The following SGCZ variants were observed in gnomAD, a reference collection of about 807,000 sequenced individuals.
SGCZ encodes the protein zeta-sarcoglycan.
Under a neutral mutation model 41.3 loss-of-function variants are expected in SGCZ, and 40 were observed. That is an observed-to-expected ratio of 0.97 (90% CI 0.75 to 1.26). The LOEUF (loss-of-function observed/expected upper bound fraction) is 1.26. Among genes scored for constraint, SGCZ ranks in the 50% most tolerant of loss-of-function variants. The pLI is 0.00. For missense variants in SGCZ, 552 were observed against 369.8 expected, an observed-to-expected ratio of 1.49 and a Z score of -4.04; for synonymous variants, 206 against 137.5, an observed-to-expected ratio of 1.50 and a Z score of -3.49.
intron 1 of SGCZ, among the ~76,000 whole-genome samples, chr8:14,827,016 A>G (rs1258156193): frequency 4.6e-5 from 7 of 151,984 alleles, no homozygotes; most frequent in Non-Finnish European, 7.4e-5. Flanking sequence ...GCCCATGCCT[A>G]TGTCCTGAAT....
At chr8:14,298,431 AG>A (rs1654146558) in intron 3 of SGCZ, among the ~76,000 whole-genome samples, 1 of 152,040 alleles carries the variant, frequency 6.6e-6, no homozygotes, top group African/African-American at 2.4e-5. Context: ...GATAATTTAC[AG>A]AAAAAATTTT....
intron 3 of SGCZ, among the ~76,000 whole-genome samples, chr8:14,306,194 T>C (rs955681055): frequency 1.3e-5 from 2 of 152,168 alleles, no homozygotes; most frequent in African/African-American, 2.4e-5. Context: ...TCCATAACCA[T>C]CATGACAACA....
intron 1 of SGCZ, among the ~76,000 whole-genome samples, chr8:15,031,085 G>A (rs571407221): frequency 2.4e-4 from 37 of 152,006 alleles, no homozygotes; most frequent in East Asian, 1.2e-3. Context: ...GTGTGTGTGC[G>A]TTTTCTCACT....
chr8:14,932,015 T>A (rs1799935092), intron 1 of SGCZ, among the ~76,000 whole-genome samples: 1 of 152,064 alleles, frequency 6.6e-6, no homozygotes, highest in East Asian at 1.9e-4. Context: ...ATATACAATT[T>A]GTTAAATATA....
At chr8:14,499,788 T>TC (rs35516374) in intron 2 of SGCZ, among the ~76,000 whole-genome samples, 28,650 of 151,994 alleles carry the variant, frequency 0.19, 3,257 homozygotes, top group Admixed American at 0.26. Context: ...TCAACTGCCT[T>TC]CCTTTGGCAT....
rs941341321 is a variant in SGCZ, at chr8:15,186,770, C to T, written c.39+50815G>A. Among the ~76,000 whole-genome samples, 4 of 152,128 alleles carry T rather than the reference C, an allele frequency of 2.6e-5. No individual in the cohort carries two copies. In the East Asian group the frequency reaches 5.8e-4, roughly 22 times the overall value. On this transcript the variant is annotated intron_variant, in intron 1 of 7. Coordinates refer to ENST00000382080, the MANE Select transcript of SGCZ (RefSeq NM_139167.4). Reference sequence around the variant, plus strand: ...AGAAATAACAATTATATAAGACTTTCGCCTATAATTAGTGAGACAAAGAAG... The same window carrying T: ...AGAAATAACAATTATATAAGACTTTTGCCTATAATTAGTGAGACAAAGAAG...
chr8:14,205,008 C>A (rs182472349), intron 4 of SGCZ, among the ~76,000 whole-genome samples: 4 of 152,238 alleles, frequency 2.6e-5, no homozygotes, highest in African/African-American at 7.2e-5. Flanking sequence ...CTCACCCATA[C>A]GCCTGTTTGT....
At chr8:14,791,985 A>G (rs982171290) in intron 1 of SGCZ, among the ~76,000 whole-genome samples, 18 of 152,140 alleles carry the variant, frequency 1.2e-4, no homozygotes, top group African/African-American at 4.1e-4. Flanking sequence ...AATGTAAATA[A>G]TGATGTAATC....
chr8:14,239,196 T>C (rs1036813989), intron 3 of SGCZ, among the ~76,000 whole-genome samples: 1 of 151,770 alleles, frequency 6.6e-6, no homozygotes, highest in Non-Finnish European at 1.5e-5. Flanking sequence ...TTATACCCAA[T>C]AAGAATACTA....
chr8:15,045,156 C>T (rs1268176711), intron 1 of SGCZ, among the ~76,000 whole-genome samples: 1 of 151,640 alleles, frequency 6.6e-6, no homozygotes, highest in Admixed American at 6.6e-5. Flanking sequence ...AATACCCAAC[C>T]AGAGGAAGAA....
chr8:15,003,635 C>T (rs1393565365), intron 1 of SGCZ, among the ~76,000 whole-genome samples: 1 of 152,072 alleles, frequency 6.6e-6, no homozygotes, highest in Admixed American at 6.5e-5. Context: ...TCTATGAAAA[C>T]ATAACATGTT....
At chr8:14,792,983 C>T (rs1252453776) in intron 1 of SGCZ, among the ~76,000 whole-genome samples, 2 of 152,176 alleles carry the variant, frequency 1.3e-5, no homozygotes, top group African/African-American at 2.4e-5. Context: ...ACTTCTGACA[C>T]TTACATTTAT....
At chr8:15,069,077 T>G (rs1349512322) in intron 1 of SGCZ, among the ~76,000 whole-genome samples, 1 of 152,246 alleles carries the variant, frequency 6.6e-6, no homozygotes, top group Non-Finnish European at 1.5e-5. Context: ...GCACCAATAT[T>G]CCAGAATGTT....
chr8:14,407,735 C>G (rs1799250422), intron 2 of SGCZ, among the ~76,000 whole-genome samples: 2 of 152,050 alleles, frequency 1.3e-5, no homozygotes, highest in African/African-American at 4.8e-5. Flanking sequence ...GTGAAAAGAT[C>G]ATTTCAAAAA....
intron 2 of SGCZ, among the ~76,000 whole-genome samples, chr8:14,457,175 A>G (rs1236472164): frequency 1.3e-5 from 2 of 152,242 alleles, no homozygotes; most frequent in Non-Finnish European, 2.9e-5. Flanking sequence ...TTATTCCAGT[A>G]TTATGATAAT....
At chr8:14,695,712 C>T (rs1808937790) in intron 1 of SGCZ, among the ~76,000 whole-genome samples, 1 of 151,822 alleles carries the variant, frequency 6.6e-6, no homozygotes, top group African/African-American at 2.4e-5. Flanking sequence ...CACACACACA[C>T]AAACCAACAA....
chr8:14,220,773 GGATACTCTGCCAA>G (rs1421908189), intron 4 of SGCZ, among the ~76,000 whole-genome samples: 5 of 122,084 alleles, frequency 4.1e-5, no homozygotes, highest in African/African-American at 6.4e-5. Flanking sequence ...GGCGACAGAG[GGATACTCTGCCAA>G]AAACAAACAA....
intron 1 of SGCZ, among the ~76,000 whole-genome samples, chr8:14,936,487 C>A (rs77841895): frequency 6.6e-6 from 1 of 151,790 alleles, no homozygotes; most frequent in Non-Finnish European, 1.5e-5. Context: ...TGTATACATA[C>A]TCAGAGTATG....
intron 2 of SGCZ, among the ~76,000 whole-genome samples, chr8:14,415,130 G>C (rs1264456722): frequency 6.6e-6 from 1 of 151,734 alleles, no homozygotes; most frequent in African/African-American, 2.4e-5. Context: ...GACTTTCAAA[G>C]AAATACCCCT....
Sources: allele counts gnomAD v4.1 joint callset (sites outside exome capture counted in the v4.1 genomes callset), GRCh38; gene constraint gnomAD v4.1.1; transcripts MANE v1.5; gene names NCBI Gene and HGNC (gene_info 2026-07-23, HGNC 2026-07-21).